GSTO2: variants seen among roughly 807,000 people sequenced by gnomAD.
GSTO2 encodes glutathione S-transferase omega 2.
Under a neutral mutation model 28.4 loss-of-function variants are expected in GSTO2, and 23 were observed. The observed-to-expected ratio is 0.81, with a 90% CI of 0.58 to 1.15. GSTO2 has a LOEUF of 1.15. Ranked by LOEUF, GSTO2 falls within the 50% of genes most tolerant of loss-of-function variation. The pLI is 0.00. For missense variants in GSTO2, 298 were observed against 297.8 expected, an observed-to-expected ratio of 1.00 and a Z score of 0.00; for synonymous variants, 109 against 111.0, an observed-to-expected ratio of 0.98 and a Z score of 0.11.
At position 104,290,308 on chromosome 10, in the gene GSTO2, C is replaced by A. The variant is rs376249917; in HGVS notation, c.469-7270C>A. 2.6e-5 allele frequency among the ~76,000 whole-genome samples: 4 copies of A among 152,218 alleles called. No homozygotes were observed. The East Asian group carries it at 5.8e-4, about 22-fold the overall frequency. ...ATCACTTAAGGTCAGGAGTTCGAGA[C>A]CAGCCTGGCCAACATGGTGAAACCC... On this transcript the variant is annotated intron_variant, in intron 5 of 6. Transcript: ENST00000338595.
At chr10:104,277,679 A>G (rs1261604879) in intron 3 of GSTO2, among the ~76,000 whole-genome samples, 6 of 152,206 alleles carry the variant, frequency 3.9e-5, no homozygotes, top group African/African-American at 7.2e-5. Flanking sequence ...AGGGGGAATT[A>G]TGAGGAACAA....
At chr10:104,292,754 C>T (rs762825163) in intron 5 of GSTO2, among the ~76,000 whole-genome samples, 1 of 152,182 alleles carries the variant, frequency 6.6e-6, no homozygotes, top group Non-Finnish European at 1.5e-5. Context: ...CCATGCCTGG[C>T]TGTATCTTTA....
chr10:104,279,083 G>T (rs2011841610), intron 4 of GSTO2, among the ~76,000 whole-genome samples: 1 of 152,128 alleles, frequency 6.6e-6, no homozygotes, highest in Non-Finnish European at 1.5e-5. Context: ...TAGAGAGGTT[G>T]AGTGTCCCAC....
chr10:104,281,469 A>G (rs987960160), intron 5 of GSTO2, among the ~76,000 whole-genome samples: 1 of 152,088 alleles, frequency 6.6e-6, no homozygotes, highest in Admixed American at 6.6e-5. Flanking sequence ...TTTCCCTTCT[A>G]CCTCCATTTG....
chr10:104,284,550 C>T (rs770962599), intron 5 of GSTO2, among the ~76,000 whole-genome samples: 25 of 152,092 alleles, frequency 1.6e-4, no homozygotes, highest in Non-Finnish European at 3.2e-4. Flanking sequence ...TGACACTTGT[C>T]TTGTCTTGCT....
chr10:104,300,924 G>C lies in GSTO2; in HGVS notation c.*1640G>C, dbSNP rs2013239768. On this transcript the variant is annotated 3_prime_UTR_variant, in exon 7 of 7. Coordinates refer to ENST00000338595, the MANE Select transcript of GSTO2 (RefSeq NM_183239.2). The stretch of plus-strand genomic sequence containing the variant: ...TTTGACCCATGTAAATAGTTACCAG[G>C]TGTTACTCTGTGCCAGCTGGACAGA... 6.6e-6 allele frequency: 1 copy of C among 152,296 alleles called. No individual in the cohort carries two copies. The highest frequency in any genetic ancestry group is 1.9e-4 in the East Asian group (1 of 5,200). The allele number at this position is 152,296 out of a possible 1,614,324, so 9.4% of individuals were successfully genotyped here. A position where few individuals can be genotyped will look rare whatever the true frequency, so the allele number is the denominator to read the frequency against.
In GSTO2 at chr10:104,278,001, A is replaced by G. The variant is rs749484050; in HGVS notation, c.251A>G (p.Tyr84Cys). The change falls in exon 4 of 7, where the codon TAT becomes TGT. Residue 84 changes from tyrosine to cysteine, a missense_variant. Tyr to Cys is a radical substitution (Grantham distance 194). Transcript: ENST00000338595. The stretch of plus-strand genomic sequence containing the variant: ...GAGACCAGCCAATGTCAACTGATCT[A>G]TGAATCTGTTATTGCTTGTGAGTAC... ...VLETSQCQLI[Y>C]ESVIACEYLD... The G allele has an allele frequency of 6.8e-6, 11 of 1,613,966 alleles. No individual in the cohort carries two copies. The African/African-American group carries it at 1.2e-4, about 18-fold the overall frequency.
In GSTO2 at chr10:104,303,441, G is replaced by T. The variant is rs978072402; in HGVS notation, c.*4157G>T. ...GTGGAAGTTTGAACTTGAGAGTGAT[G>T]ATTTTAGGGTATCTGGCAGAAAAAA... On this transcript the variant is annotated 3_prime_UTR_variant, in exon 7 of 7. Transcript: ENST00000338595. 1 of 152,174 alleles carries T rather than the reference G, an allele frequency of 6.6e-6. No homozygotes were observed. The highest frequency in any genetic ancestry group is 1.5e-5 in the Non-Finnish European group (1 of 68,026). 9.4% of individuals were successfully genotyped at this position (152,174 alleles called of 1,614,324 possible).
intron 5 of GSTO2, among the ~76,000 whole-genome samples, chr10:104,294,327 T>C (rs903986183): frequency 3.9e-5 from 6 of 152,194 alleles, no homozygotes; most frequent in African/African-American, 7.2e-5. Flanking sequence ...GTCCCAATTT[T>C]CCAGGATTCT....
chr10:104,274,148 C>T (rs2011526464), intron 1 of GSTO2, among the ~76,000 whole-genome samples: 1 of 152,178 alleles, frequency 6.6e-6, no homozygotes, highest in East Asian at 1.9e-4. Flanking sequence ...AGAGTGTTCT[C>T]AAAAATTTAT....
chr10:104,297,305 A>G (rs2013084853), intron 5 of GSTO2: 1 of 305,936 alleles, frequency 3.3e-6, no homozygotes, highest in Non-Finnish European at 6.4e-6. Context: ...GGTACTCTGT[A>G]GAGGTTGTTC....
intron 5 of GSTO2, among the ~76,000 whole-genome samples, chr10:104,289,593 A>C (rs973686334): frequency 6.6e-6 from 1 of 152,112 alleles, no homozygotes; most frequent in African/African-American, 2.4e-5. Flanking sequence ...CCCAGAGGAG[A>C]AAATGGTCTT....
At chr10:104,293,593 G>A (rs2012888002) in intron 5 of GSTO2, among the ~76,000 whole-genome samples, 1 of 66,122 alleles carries the variant, frequency 1.5e-5, no homozygotes, top group Middle Eastern at 7.8e-3. Flanking sequence ...TTTGCGACAA[G>A]GTCTTTCTCT....
At chr10:104,298,955 C>T (rs2013165998) in intron 6 of GSTO2, among the ~76,000 whole-genome samples, 173 bp from the exon 7 acceptor site, 1 of 152,160 alleles carries the variant, frequency 6.6e-6, no homozygotes. Context: ...TCAACTATTC[C>T]AAAAATAAGA....
intron 5 of GSTO2, among the ~76,000 whole-genome samples, chr10:104,289,677 C>A (rs1564850543): frequency 6.6e-6 from 1 of 152,178 alleles, no homozygotes; most frequent in Non-Finnish European, 1.5e-5. Flanking sequence ...GTTAGCTCAG[C>A]CTCAGCTATA....
rs2011549810 is a variant in GSTO2 at position 104,274,846 on chromosome 10, T to C, written c.-70T>C. 6.4e-7 allele frequency: 1 copy of C among 1,561,854 alleles called. No homozygotes were observed. The highest frequency in any genetic ancestry group is 8.7e-7 in the Non-Finnish European group (1 of 1,148,604). The stretch of plus-strand genomic sequence containing the variant: ...CCAGAGCGCAGCTGTTTCTGGAGCC[T>C]GCGGCAGCGGTGGCGAGCCACAGGG... On this transcript the variant is annotated 5_prime_UTR_variant, in exon 2 of 7. Transcript: ENST00000338595.
chr10:104,302,208 A>G lies in GSTO2; in HGVS notation c.*2924A>G, dbSNP rs2013276469. Reference sequence around the variant, plus strand: ...CATAGGGAAAACACTCCCACAATCGAATCACCTCCCTTGAGGTCCCTCCCC... The same window carrying G: ...CATAGGGAAAACACTCCCACAATCGGATCACCTCCCTTGAGGTCCCTCCCC... On this transcript the variant is annotated 3_prime_UTR_variant, in exon 7 of 7. Coordinates refer to ENST00000338595, the MANE Select transcript of GSTO2 (RefSeq NM_183239.2). The G allele has an allele frequency of 6.6e-6, 1 of 152,208 alleles. No homozygotes were observed. Among genetic ancestry groups the G allele is most frequent in the East Asian group, 1.9e-4 (1 of 5,190 alleles). 9.4% of individuals were successfully genotyped at this position (152,208 alleles called of 1,614,324 possible). A position where few individuals can be genotyped will look rare whatever the true frequency, so the allele number is the denominator to read the frequency against.
At chr10:104,294,429 C>A (rs1360769109) in intron 5 of GSTO2, among the ~76,000 whole-genome samples, 1 of 152,186 alleles carries the variant, frequency 6.6e-6, no homozygotes, top group Non-Finnish European at 1.5e-5. Flanking sequence ...CTTCAGCAGA[C>A]CTCCAGGGAG....
rs1402140272 is a variant in GSTO2, at chr10:104,288,249, C to T, written c.468+8778C>T. On this transcript the variant is annotated intron_variant, in intron 5 of 6. Transcript: ENST00000338595. ...TTTATAAACCATAAAGTTATTTATCCAGCACACTAATTAGGAGTGTTTAGA... is the reference window on the plus strand; with the variant it reads ...TTTATAAACCATAAAGTTATTTATCTAGCACACTAATTAGGAGTGTTTAGA... 2.0e-5 allele frequency: 3 copies of T among 152,274 alleles called. No homozygotes were observed. In the East Asian group the frequency reaches 5.8e-4, roughly 29 times the overall value. The allele number at this position is 152,274 out of a possible 1,614,324, so 9.4% of individuals were successfully genotyped here.
Sources: allele counts gnomAD v4.1 joint callset (sites outside exome capture counted in the v4.1 genomes callset), GRCh38; gene constraint gnomAD v4.1.1; transcripts MANE v1.5; gene names NCBI Gene and HGNC (gene_info 2026-07-23, HGNC 2026-07-21).